Variants in CBX3 observed in about 807,000 individuals in gnomAD.
The protein encoded by CBX3 is chromobox protein homolog 3.
A neutral mutation model predicts 22.6 loss-of-function variants in CBX3; 5 were observed. That is an observed-to-expected ratio of 0.22 (90% confidence interval 0.12 to 0.47). CBX3 has a LOEUF of 0.47. Ranked by LOEUF, CBX3 falls within the 20% of genes least tolerant of loss-of-function variation. The probability of loss-of-function intolerance (pLI) is 0.99; values close to 1 mark genes in which losing one functional copy is unlikely to be tolerated. For synonymous variants in CBX3, 50 were observed against 66.6 expected, an observed-to-expected ratio of 0.75 and a Z score of 1.21; for missense variants, 83 against 208.1, an observed-to-expected ratio of 0.40 and a Z score of 3.70.
chr7:26,203,059 A>G, intron 2 of CBX3, 37 bp downstream of exon 2: 1 of 1,527,548 alleles, frequency 6.5e-7, no homozygotes, highest in East Asian at 2.2e-5. Context: ...TAAGGATTTA[A>G]CTCAAGTTTT....
Position 26,208,332 on chromosome 7 carries a change from T to A in CBX3, c.168-61T>A, listed in dbSNP as rs947796777. ...GGGTGTCTATTAAAATAGATCTGGA[T>A]AATGGTGATGAATCATATTTAATTC... On this transcript the variant is annotated intron_variant, in intron 3 of 5. Transcript: ENST00000396386. The A allele has an allele frequency of 8.2e-6, 11 of 1,344,388 alleles. No individual in the cohort carries two copies. The Middle Eastern group carries it at 1.5e-3, about 187-fold the overall frequency. The allele number at this position is 1,344,388 out of a possible 1,614,324, so 83.3% of individuals were successfully genotyped here.
intron 4 of CBX3, 139 bp downstream of exon 4, chr7:26,208,694 A>G (rs972319286): frequency 2.9e-6 from 2 of 683,456 alleles, no homozygotes; most frequent in Non-Finnish European, 4.6e-6. Context: ...GATCTTGGTC[A>G]CTGCAACTGC....
chr7:26,211,820 T>C, intron 5 of CBX3, 64 bp downstream of exon 5: 5 of 1,232,728 alleles, frequency 4.1e-6, no homozygotes, highest in East Asian at 2.4e-5. Flanking sequence ...ATTTGTGAAA[T>C]GGTTTTTCAT....
chr7:26,202,802 C>T, intron 1 of CBX3, 169 bp from the exon 2 acceptor site: 1 of 622,000 alleles, frequency 1.6e-6, no homozygotes, highest in Non-Finnish European at 2.9e-6. Context: ...AGGACACGTA[C>T]TTAAGTACAT....
chr7:26,202,857 T>C, intron 1 of CBX3, 114 bp from the exon 2 acceptor site: 1 of 702,412 alleles, frequency 1.4e-6, no homozygotes. Context: ...TGGATTTGTA[T>C]TCACGTTTGA....
intron 4 of CBX3, 83 bp from the exon 5 acceptor site, chr7:26,211,579 A>G (rs1584041904): frequency 2.5e-6 from 2 of 798,454 alleles, no homozygotes; most frequent in East Asian, 2.6e-5. Context: ...CCATCTCACT[A>G]TTGGAATGTT....
At position 26,206,313 on chromosome 7, in the gene CBX3, A is replaced by T. The variant is rs1433273758; in HGVS notation, c.25-55A>T. The T allele has an allele frequency of 3.2e-6, 4 of 1,243,422 alleles. No homozygotes were observed. In the Middle Eastern group the frequency reaches 8.2e-4, roughly 256 times the overall value. The allele number at this position is 1,243,422 out of a possible 1,614,324, so 77.0% of individuals were successfully genotyped here. A position where few individuals can be genotyped will look rare whatever the true frequency, so the allele number is the denominator to read the frequency against. On this transcript the variant is annotated intron_variant, in intron 2 of 5. Transcript: ENST00000396386. The stretch of plus-strand genomic sequence containing the variant: ...TAATATAAGCAATTGAGCCTTGAAA[A>T]TGTGCTCAAAATTCAAGAGGAATAT...
intron 4 of CBX3, among the ~76,000 whole-genome samples, chr7:26,209,671 G>A (rs1784761364): frequency 2.0e-5 from 3 of 152,060 alleles, no homozygotes; most frequent in Admixed American, 2.0e-4. Flanking sequence ...CACTATACAT[G>A]TGTTTTGGTC....
chr7:26,204,987 C>T (rs1029943026), intron 2 of CBX3, among the ~76,000 whole-genome samples: 2 of 152,072 alleles, frequency 1.3e-5, no homozygotes, highest in Non-Finnish European at 2.9e-5. Flanking sequence ...CGGGGTTTCT[C>T]CATGTTGGTC....
intron 1 of CBX3, chr7:26,202,708 AGACATT>A (rs1370124118): frequency 2.3e-6 from 1 of 429,682 alleles, no homozygotes; most frequent in African/African-American, 2.1e-5. Flanking sequence ...AGATTGGAAA[AGACATT>A]GGTCCCCTAT....
chr7:26,207,070 T>C (rs1385527066), intron 3 of CBX3, among the ~76,000 whole-genome samples: 1 of 152,228 alleles, frequency 6.6e-6, no homozygotes, highest in Non-Finnish European at 1.5e-5. Flanking sequence ...TTACATACTT[T>C]AACGCTTGGG....
intron 2 of CBX3, among the ~76,000 whole-genome samples, chr7:26,205,416 T>C (rs1784653958): frequency 6.6e-6 from 1 of 152,200 alleles, no homozygotes; most frequent in South Asian, 2.1e-4. Context: ...GTTGGTCTCT[T>C]GAAGTGATAG....
rs1784586727 is a variant in CBX3 at position 26,203,039 on chromosome 7, C to T, written c.24+17C>T. 6 of 1,484,306 alleles carry T rather than the reference C, an allele frequency of 4.0e-6. No individual in the cohort carries two copies. The highest frequency in any genetic ancestry group is 5.9e-5 in the East Asian group (2 of 33,874). The allele number at this position is 1,484,306 out of a possible 1,614,324, so 91.9% of individuals were successfully genotyped here. The stretch of plus-strand genomic sequence containing the variant: ...ACTACATTGGTAAGTTAATGAAAAC[C>T]TAAAATATGTAAGGATTTAACTCAA... On this transcript the variant is annotated intron_variant, in intron 2 of 5. Coordinates refer to ENST00000396386, the MANE Select transcript of CBX3 (RefSeq NM_016587.4).
chr7:26,209,572 T>C (rs1784759557), intron 4 of CBX3, among the ~76,000 whole-genome samples: 1 of 152,254 alleles, frequency 6.6e-6, no homozygotes, highest in African/African-American at 2.4e-5. Context: ...CATCTTTGTA[T>C]TGCCAAACAA....
intron 4 of CBX3, among the ~76,000 whole-genome samples, chr7:26,209,575 C>G (rs934685714): frequency 1.3e-5 from 2 of 152,104 alleles, no homozygotes; most frequent in African/African-American, 4.8e-5. Context: ...CTTTGTATTG[C>G]CAAACAATAC....
intron 1 of CBX3, 170 bp from the exon 2 acceptor site, chr7:26,202,801 A>G: frequency 1.6e-6 from 1 of 619,254 alleles, no homozygotes; most frequent in Non-Finnish European, 2.9e-6. Context: ...TAGGACACGT[A>G]CTTAAGTACA....
At position 26,203,040 on chromosome 7, in the gene CBX3, TA is replaced by T. The variant is rs1784586993; in HGVS notation, c.24+22del. The T allele has an allele frequency of 1.3e-6, 2 of 1,487,626 alleles. No homozygotes were observed. The highest frequency in any genetic ancestry group is 2.0e-4 in the Middle Eastern group (1 of 5,034). 92.2% of individuals were successfully genotyped at this position (1,487,626 alleles called of 1,614,324 possible). The stretch of plus-strand genomic sequence containing the variant: ...CTACATTGGTAAGTTAATGAAAACC[TA>T]AAATATGTAAGGATTTAACTCAAGT... On this transcript the variant is annotated intron_variant, in intron 2 of 5. Transcript: ENST00000396386.
intron 2 of CBX3, among the ~76,000 whole-genome samples, chr7:26,205,766 G>A (rs549416869): frequency 1.4e-3 from 216 of 152,310 alleles, no homozygotes; most frequent in African/African-American, 4.8e-3. Flanking sequence ...TTGTTAAAAT[G>A]AGTGAAAATT....
At chr7:26,209,741 C>T (rs1584040301) in intron 4 of CBX3, among the ~76,000 whole-genome samples, 1 of 152,184 alleles carries the variant, frequency 6.6e-6, no homozygotes, top group South Asian at 2.1e-4. Context: ...TTCTTACTTA[C>T]ACCCTTGATT....
Sources: gnomAD v4.1 joint callset for allele counts (sites outside exome capture counted in the v4.1 genomes callset) on GRCh38, gnomAD v4.1.1 for gene constraint, MANE v1.5 for transcripts, NCBI Gene and HGNC (gene_info 2026-07-23, HGNC 2026-07-21) for gene names.